NXPH2: variants seen among roughly 807,000 people sequenced by gnomAD.
NXPH2 encodes the protein neurexophilin 2, also known as neurexophilin-2.
NXPH2 carries 5 observed loss-of-function variants against 19.8 expected under a neutral mutation model. That is an observed-to-expected ratio of 0.25 (90% CI 0.13 to 0.53). NXPH2 has a LOEUF of 0.53. Among genes scored for constraint, NXPH2 ranks in the 20% least tolerant of loss-of-function variants. The probability of loss-of-function intolerance (pLI) is 0.96; values close to 1 mark genes in which losing one functional copy is unlikely to be tolerated. For missense variants in NXPH2, 289 were observed against 322.8 expected, an observed-to-expected ratio of 0.90 and a Z score of 0.80; for synonymous variants, 154 against 127.4, an observed-to-expected ratio of 1.21 and a Z score of -1.41.
chr2:138,751,331 A>G (rs1333001539), intron 1 of NXPH2, among the ~76,000 whole-genome samples: 3 of 152,144 alleles, frequency 2.0e-5, no homozygotes, highest in African/African-American at 7.2e-5. Flanking sequence ...TTAACTATAT[A>G]CTTCTCTCAG....
At chr2:138,752,596 T>C (rs1050133420) in intron 1 of NXPH2, among the ~76,000 whole-genome samples, 1 of 152,180 alleles carries the variant, frequency 6.6e-6, no homozygotes, top group Non-Finnish European at 1.5e-5. Flanking sequence ...ATATTATTAA[T>C]AAACCAATAT....
At chr2:138,728,575 T>C (rs1051209768) in intron 1 of NXPH2, among the ~76,000 whole-genome samples, 1 of 152,204 alleles carries the variant, frequency 6.6e-6, no homozygotes, top group South Asian at 2.1e-4. Context: ...AAAGGGTGCT[T>C]ACTGTAGTGG....
At chr2:138,731,638 G>T (rs1681452921) in intron 1 of NXPH2, among the ~76,000 whole-genome samples, 1 of 152,034 alleles carries the variant, frequency 6.6e-6, no homozygotes, top group Non-Finnish European at 1.5e-5. Flanking sequence ...CACTCAAGAT[G>T]ATCAATTTTA....
Position 138,758,932 on chromosome 2 carries a change from A to G in NXPH2, c.51+21259T>C, listed in dbSNP as rs1027719986. ...GTTTCCTCTGGATACCTTGACAGAT[A>G]TAAAACTTATCATCTCAGGTCCTGA... On this transcript the variant is annotated intron_variant, in intron 1 of 1. Transcript: ENST00000272641. Among the ~76,000 whole-genome samples, 8 of 152,210 alleles carry G rather than the reference A, an allele frequency of 5.3e-5. 1 individual carries two copies. Among genetic ancestry groups the G allele is most frequent in the Admixed American group, 5.2e-4 (8 of 15,286 alleles).
intron 1 of NXPH2, among the ~76,000 whole-genome samples, chr2:138,757,343 G>A (rs556156671): frequency 2.0e-5 from 3 of 152,122 alleles, no homozygotes; most frequent in Non-Finnish European, 4.4e-5. Flanking sequence ...ATGTGCTGCT[G>A]CCGATCTGCT....
chr2:138,772,675 C>T (rs933290492), intron 1 of NXPH2, among the ~76,000 whole-genome samples: 6 of 152,160 alleles, frequency 3.9e-5, no homozygotes, highest in African/African-American at 1.2e-4. Flanking sequence ...ACTTATTTGA[C>T]TTTATGGCAA....
At chr2:138,740,911 T>C (rs1426930618) in intron 1 of NXPH2, among the ~76,000 whole-genome samples, 1 of 149,208 alleles carries the variant, frequency 6.7e-6, no homozygotes, top group Non-Finnish European at 1.5e-5. Flanking sequence ...CCTGCCCTTT[T>C]GAACAGCCAA....
At chr2:138,672,258 A>C (rs1455340168) in intron 1 of NXPH2, among the ~76,000 whole-genome samples, 1 of 152,236 alleles carries the variant, frequency 6.6e-6, no homozygotes, top group African/African-American at 2.4e-5. Flanking sequence ...AAAAAATAGA[A>C]GTAAAAATTT....
intron 1 of NXPH2, among the ~76,000 whole-genome samples, chr2:138,709,219 CAG>C (rs1681061030): frequency 6.6e-6 from 1 of 152,104 alleles, no homozygotes; most frequent in Non-Finnish European, 1.5e-5. Context: ...CTCAGGGAAA[CAG>C]GGGCAGCTGC....
chr2:138,724,165 C>G (rs1211330631), intron 1 of NXPH2, among the ~76,000 whole-genome samples: 1 of 152,144 alleles, frequency 6.6e-6, no homozygotes, highest in Admixed American at 6.5e-5. Context: ...TCATTTAGTT[C>G]CCACTTATAA....
intron 1 of NXPH2, among the ~76,000 whole-genome samples, chr2:138,740,683 A>G (rs1482680471): frequency 1.3e-5 from 2 of 152,132 alleles, no homozygotes; most frequent in African/African-American, 4.8e-5. Flanking sequence ...TGGAGAGACA[A>G]ACTCACTCAT....
rs750956546 is a variant in NXPH2, at chr2:138,671,532, T to G, written c.185A>C (p.Gln62Pro). ...IISPLRLFVK[Q>P]SPVPKPGPMA... ...GGGGCCGGGCTTGGGCACCGGAGAC[T>G]GTTTAACAAACAGGCGCAGGGGACT... is the stretch of plus-strand genomic sequence containing the variant. The change falls in exon 2 of 2, where the codon CAG becomes CCG. Residue 62 changes from glutamine to proline, a missense_variant. Gln to Pro is a moderately conservative substitution (Grantham distance 76). Transcript: ENST00000272641. 1.4e-5 allele frequency: 22 copies of G among 1,613,926 alleles called. No individual in the cohort carries two copies. Among genetic ancestry groups the G allele is most frequent in the Admixed American group, 3.3e-5 (2 of 60,004 alleles).
intron 1 of NXPH2, among the ~76,000 whole-genome samples, chr2:138,761,216 G>A (rs779610395): frequency 6.6e-6 from 1 of 152,020 alleles, no homozygotes; most frequent in Non-Finnish European, 1.5e-5. Context: ...CCTGAGCTCT[G>A]CCTAATAACA....
intron 1 of NXPH2, among the ~76,000 whole-genome samples, chr2:138,675,837 T>A (rs1306983424): frequency 6.6e-6 from 1 of 152,142 alleles, no homozygotes; most frequent in East Asian, 1.9e-4. Flanking sequence ...ATTTTAAGAT[T>A]AGTCAATGTA....
intron 1 of NXPH2, among the ~76,000 whole-genome samples, chr2:138,687,530 G>A (rs1680679788): frequency 6.6e-6 from 1 of 151,992 alleles, no homozygotes; most frequent in Non-Finnish European, 1.5e-5. Flanking sequence ...AGTTTCTTTT[G>A]CTGTGCAGAA....
intron 1 of NXPH2, among the ~76,000 whole-genome samples, chr2:138,731,976 G>T (rs1036523080): frequency 6.6e-6 from 1 of 152,162 alleles, no homozygotes; most frequent in African/African-American, 2.4e-5. Context: ...GCCAAAATCT[G>T]TAAATTATCT....
At chr2:138,750,586 C>T (rs992348463) in intron 1 of NXPH2, among the ~76,000 whole-genome samples, 7 of 152,120 alleles carry the variant, frequency 4.6e-5, no homozygotes, top group African/African-American at 1.7e-4. Flanking sequence ...TTATTGAGTG[C>T]TGCTACAGCC....
intron 1 of NXPH2, among the ~76,000 whole-genome samples, chr2:138,715,198 C>T (rs1375016701): frequency 6.6e-6 from 1 of 152,162 alleles, no homozygotes; most frequent in African/African-American, 2.4e-5. Context: ...GCTAATAGCT[C>T]TCTTGGCACA....
chr2:138,750,902 C>T (rs1485491372), intron 1 of NXPH2, among the ~76,000 whole-genome samples: 2 of 151,964 alleles, frequency 1.3e-5, no homozygotes, highest in African/African-American at 2.4e-5. Context: ...GGATCTTGTT[C>T]GGATGTTTCC....
Sources: allele counts gnomAD v4.1 joint callset (sites outside exome capture counted in the v4.1 genomes callset), GRCh38; gene constraint gnomAD v4.1.1; transcripts MANE v1.5; gene names NCBI Gene and HGNC (gene_info 2026-07-23, HGNC 2026-07-21).